SAMMSON: variants seen among roughly 807,000 people sequenced by gnomAD.
SAMMSON encodes the protein long intergenic non-protein coding RNA 1212.
intron 4 of SAMMSON, among the ~76,000 whole-genome samples, chr3:70,118,201 C>G (rs749060465): frequency 1.3e-5 from 2 of 152,162 alleles, no homozygotes; most frequent in African/African-American, 4.8e-5. Flanking sequence ...GGATTACAGG[C>G]GTGAGCCACT....
At chr3:70,079,395 C>T (rs2067259973) in intron 4 of SAMMSON, among the ~76,000 whole-genome samples, 1 of 152,142 alleles carries the variant, frequency 6.6e-6, no homozygotes, top group Non-Finnish European at 1.5e-5. Flanking sequence ...GAACTGAACA[C>T]TTGCTGCCTC....
chr3:70,298,396 A>G (rs2106699418), intron 7 of SAMMSON, among the ~76,000 whole-genome samples: 1 of 152,262 alleles, frequency 6.6e-6, no homozygotes, highest in Non-Finnish European at 1.5e-5. Flanking sequence ...ATCAACGGGA[A>G]GATATTAAAA....
At chr3:70,135,305 T>G (rs1162058117) in intron 4 of SAMMSON, among the ~76,000 whole-genome samples, 1 of 152,136 alleles carries the variant, frequency 6.6e-6, no homozygotes, top group African/African-American at 2.4e-5. Flanking sequence ...AGAAACAAAA[T>G]ATGTACCTTT....
chr3:70,128,645 G>A (rs774873079), intron 4 of SAMMSON, among the ~76,000 whole-genome samples: 3 of 152,096 alleles, frequency 2.0e-5, no homozygotes, highest in Admixed American at 1.3e-4. Flanking sequence ...TATTTGAAAG[G>A]TTGCCCTTTC....
chr3:70,407,173 A>G (rs2106766299), intron 2 of SAMMSON, among the ~76,000 whole-genome samples: 1 of 152,280 alleles, frequency 6.6e-6, no homozygotes, highest in South Asian at 2.1e-4. Context: ...CCCTCCCACA[A>G]CACATGGGAA....
intron 6 of SAMMSON, among the ~76,000 whole-genome samples, chr3:70,279,055 C>T (rs1702055848): frequency 6.7e-6 from 1 of 150,264 alleles, no homozygotes; most frequent in Non-Finnish European, 1.5e-5. Context: ...AGCTTTCTCC[C>T]TTTCCTAACA....
At chr3:70,183,784 G>A (rs917719603) in intron 4 of SAMMSON, 1 of 152,088 alleles carries the variant, frequency 6.6e-6, no homozygotes, top group African/African-American at 2.4e-5. Flanking sequence ...ATAAATAAAT[G>A]AGCACTTTCT....
At chr3:70,125,865 A>T (rs2067455956) in intron 4 of SAMMSON, 1 of 678,486 alleles carries the variant, frequency 1.5e-6, no homozygotes, top group South Asian at 1.6e-5. Context: ...GTTGGTCCTC[A>T]TCATCACTGC....
rs115099588 is a variant in SAMMSON, at chr3:70,431,653, G to A, written n.234-30907G>A. On this transcript the variant is annotated intron_variant and non_coding_transcript_variant, in intron 2 of 3. Transcript: ENST00000641053. ...ACAATTCACAGATCTTAAGTCTTCC[G>A]TTTAATGATTTTTGACAATTGTATA... Among the ~76,000 whole-genome samples, 522 of 151,994 alleles carry A rather than the reference G, an allele frequency of 3.4e-3. 7 individuals are homozygous for A. Among genetic ancestry groups the A allele is most frequent in the South Asian group, 0.012 (60 of 4,820 alleles).
intron 9 of SAMMSON, among the ~76,000 whole-genome samples, chr3:70,369,799 CA>C (rs1446270150): frequency 6.6e-6 from 1 of 151,706 alleles, no homozygotes; most frequent in Admixed American, 6.6e-5. Flanking sequence ...AAGTATTTAT[CA>C]TTTCTATGTG....
At chr3:70,310,679 T>C (rs979944143) in intron 7 of SAMMSON, among the ~76,000 whole-genome samples, 1 of 152,114 alleles carries the variant, frequency 6.6e-6, no homozygotes, top group Non-Finnish European at 1.5e-5. Context: ...GGTGTATTTT[T>C]AAATTAGGGT....
chr3:70,115,718 TTTATTCCC>T (rs2067408030), intron 4 of SAMMSON, among the ~76,000 whole-genome samples: 1 of 152,178 alleles, frequency 6.6e-6, no homozygotes, highest in African/African-American at 2.4e-5. Context: ...GACATAGGAA[TTTATTCCC>T]TTATTCTTGT....
chr3:70,103,864 G>T (rs1260800238), intron 4 of SAMMSON, among the ~76,000 whole-genome samples: 3 of 152,098 alleles, frequency 2.0e-5, no homozygotes, highest in Non-Finnish European at 4.4e-5. Flanking sequence ...AATTGTGATA[G>T]TTACTAATGG....
At chr3:70,109,804 T>C (rs2067381213) in intron 4 of SAMMSON, among the ~76,000 whole-genome samples, 1 of 152,228 alleles carries the variant, frequency 6.6e-6, no homozygotes, top group African/African-American at 2.4e-5. Flanking sequence ...CTCTAAGGAC[T>C]TCCCAGATAA....
intron 4 of SAMMSON, among the ~76,000 whole-genome samples, chr3:70,083,140 G>A (rs933965002): frequency 2.0e-5 from 3 of 152,164 alleles, no homozygotes; most frequent in African/African-American, 7.2e-5. Flanking sequence ...CACAGGGCTT[G>A]GTTATCAGAA....
chr3:70,404,046 T>G (rs1701161329), intron 2 of SAMMSON, among the ~76,000 whole-genome samples: 1 of 152,170 alleles, frequency 6.6e-6, no homozygotes, highest in Admixed American at 6.6e-5. Context: ...ATACTGATTA[T>G]ATGGAATCTT....
chr3:70,140,671 A>G (rs1423174948), intron 4 of SAMMSON, among the ~76,000 whole-genome samples: 1 of 152,164 alleles, frequency 6.6e-6, no homozygotes, highest in South Asian at 2.1e-4. Flanking sequence ...AAGTTCTGTG[A>G]TCTACAAAAA....
intron 3 of SAMMSON, among the ~76,000 whole-genome samples, chr3:70,026,109 A>G (rs1400360814): frequency 6.6e-6 from 1 of 152,216 alleles, no homozygotes; most frequent in Non-Finnish European, 1.5e-5. Flanking sequence ...TCGTTTAATG[A>G]CACAGTGAGG....
At chr3:70,391,814 C>G (rs1701051226), downstream of SAMMSON, among the ~76,000 whole-genome samples, 1 of 152,084 alleles carries the variant, frequency 6.6e-6, no homozygotes, top group Non-Finnish European at 1.5e-5. Context: ...TGAAGGCAAA[C>G]TTACTGACGC....
Sources: gnomAD v4.1 joint callset for allele counts (sites outside exome capture counted in the v4.1 genomes callset) on GRCh38, gnomAD v4.1.1 for gene constraint, MANE v1.5 for transcripts, NCBI Gene and HGNC (gene_info 2026-07-23, HGNC 2026-07-21) for gene names.